MAGI2: variants seen among roughly 807,000 people sequenced by gnomAD.
The protein encoded by MAGI2 is membrane-associated guanylate kinase, WW and PDZ domain-containing protein 2.
In MAGI2, 35 loss-of-function variants were observed where a neutral mutation model predicts 133.3. That is an observed-to-expected ratio of 0.26 (90% CI 0.20 to 0.35). MAGI2 has a LOEUF of 0.35. MAGI2 is among the 10% of genes least tolerant of loss of function. The probability of loss-of-function intolerance (pLI) is 1.00; values close to 1 mark genes in which losing one functional copy is unlikely to be tolerated. For missense variants in MAGI2, 1,636 were observed against 1,863.4 expected (o/e 0.88, Z 2.25); for synonymous variants, 729 against 710.6 (o/e 1.03, Z -0.41).
intron 9 of MAGI2, among the ~76,000 whole-genome samples, chr7:78,332,781 T>G (rs2151156511): frequency 6.6e-6 from 1 of 151,836 alleles, no homozygotes; most frequent in Non-Finnish European, 1.5e-5. Flanking sequence ...GGTCATGTTA[T>G]TGGTCTGAGA....
chr7:78,362,889 C>T (rs552109969), intron 7 of MAGI2, among the ~76,000 whole-genome samples: 3 of 152,108 alleles, frequency 2.0e-5, no homozygotes, highest in Non-Finnish European at 4.4e-5. Flanking sequence ...GCATCAGCAT[C>T]GCTTCGACCT....
intron 6 of MAGI2, chr7:78,486,827 C>T (rs1016166307): frequency 4.3e-6 from 2 of 460,006 alleles, no homozygotes; most frequent in African/African-American, 3.9e-5. Context: ...ATTGCTGTCC[C>T]TGAGCTCGAC....
intron 9 of MAGI2, among the ~76,000 whole-genome samples, chr7:78,261,849 T>A (rs181058661): frequency 6.6e-6 from 1 of 152,306 alleles, no homozygotes; most frequent in East Asian, 1.9e-4. Flanking sequence ...ATTATAATAT[T>A]GTACATCTAT....
chr7:78,709,045 ATTC>A (rs1679476596), intron 2 of MAGI2, among the ~76,000 whole-genome samples: 1 of 152,066 alleles, frequency 6.6e-6, no homozygotes, highest in South Asian at 2.1e-4. Flanking sequence ...TCTGCAAAAG[ATTC>A]TTAACTCTCC....
chr7:79,111,234 G>C (rs1700484751), intron 1 of MAGI2, among the ~76,000 whole-genome samples: 1 of 151,956 alleles, frequency 6.6e-6, no homozygotes, highest in African/African-American at 2.4e-5. Context: ...TTGTAGTTTT[G>C]GTTCAAAATA....
At chr7:78,070,659 T>C (rs1180307943) in intron 21 of MAGI2, among the ~76,000 whole-genome samples, 1 of 141,850 alleles carries the variant, frequency 7.0e-6, no homozygotes, top group Non-Finnish European at 1.5e-5. Flanking sequence ...TTTTTTTTTT[T>C]TAGACGGAGT....
chr7:79,380,632 G>A (rs775150461), intron 1 of MAGI2, among the ~76,000 whole-genome samples: 39 of 151,462 alleles, frequency 2.6e-4, no homozygotes, highest in Non-Finnish European at 3.0e-5. Context: ...TTACTATTTT[G>A]GATTTGCAAA....
At chr7:78,322,220 A>G (rs971645939) in intron 9 of MAGI2, among the ~76,000 whole-genome samples, 3 of 152,226 alleles carry the variant, frequency 2.0e-5, no homozygotes, top group African/African-American at 7.2e-5. Flanking sequence ...TCAAGGATCT[A>G]GAACCAGAAC....
chr7:78,652,575 G>T lies in MAGI2; in HGVS notation c.419-25336C>A, dbSNP rs61400603. Among the ~76,000 whole-genome samples, 1,220 of 152,002 alleles carry T rather than the reference G, an allele frequency of 8.0e-3. 20 individuals are homozygous for T. Among genetic ancestry groups the T allele is most frequent in the African/African-American group, 0.028 (1,181 of 41,454 alleles). ...AGGGAAAACTAGCTAGCCATATGCAGAAAACTGAAACTAGACTCCTTCCTT... is the reference window on the plus strand; with the variant it reads ...AGGGAAAACTAGCTAGCCATATGCATAAAACTGAAACTAGACTCCTTCCTT... On this transcript the variant is annotated intron_variant, in intron 2 of 21. Transcript: ENST00000354212.
chr7:78,736,997 T>C (rs1228973152), intron 2 of MAGI2, among the ~76,000 whole-genome samples: 1 of 152,240 alleles, frequency 6.6e-6, no homozygotes, highest in Non-Finnish European at 1.5e-5. Flanking sequence ...CATGAAGTAC[T>C]GTTTTTACTT....
At chr7:78,848,806 C>G (rs1792867773) in intron 2 of MAGI2, among the ~76,000 whole-genome samples, 1 of 151,986 alleles carries the variant, frequency 6.6e-6, no homozygotes, top group South Asian at 2.1e-4. Context: ...TCCTCACCAC[C>G]TATGTAATGT....
At chr7:78,925,914 A>G (rs973495956) in intron 2 of MAGI2, among the ~76,000 whole-genome samples, 14 of 152,010 alleles carry the variant, frequency 9.2e-5, no homozygotes, top group African/African-American at 2.9e-4. Flanking sequence ...AGGTGTCCTA[A>G]TACCAAACAT....
At position 78,966,330 on chromosome 7, in the gene MAGI2, C is replaced by T. The variant is rs181852325; in HGVS notation, c.418+40760G>A. ...ACTTTATACCTGTTGAACAGCAACCCTCCATTTCCCTCTCCCTCTACTCCT... is the reference window on the plus strand; with the variant it reads ...ACTTTATACCTGTTGAACAGCAACCTTCCATTTCCCTCTCCCTCTACTCCT... On this transcript the variant is annotated intron_variant, in intron 2 of 21. Coordinates refer to ENST00000354212, the MANE Select transcript of MAGI2 (RefSeq NM_012301.4). Among the ~76,000 whole-genome samples the T allele has an allele frequency of 3.4e-3, 510 of 152,124 alleles. 4 individuals carry two copies. The highest frequency in any genetic ancestry group is 5.3e-3 in the Non-Finnish European group (362 of 67,964).
chr7:78,435,411 A>C (rs957789722), intron 6 of MAGI2, among the ~76,000 whole-genome samples: 5 of 152,078 alleles, frequency 3.3e-5, no homozygotes, highest in African/African-American at 1.2e-4. Flanking sequence ...CAGAGGACCA[A>C]TGGATTTCAG....
chr7:78,401,392 GGC>G (rs1796846523), intron 6 of MAGI2, among the ~76,000 whole-genome samples: 1 of 152,018 alleles, frequency 6.6e-6, no homozygotes, highest in Non-Finnish European at 1.5e-5. Context: ...GTAATGGCTT[GGC>G]TACACATTTT....
intron 9 of MAGI2, among the ~76,000 whole-genome samples, chr7:78,332,800 AC>A (rs899505583): frequency 1.3e-5 from 2 of 152,110 alleles, no homozygotes; most frequent in African/African-American, 4.8e-5. Flanking sequence ...GAGATACATT[AC>A]TAGCAGTGGA....
chr7:78,402,505 C>T (rs1171830985), intron 6 of MAGI2, among the ~76,000 whole-genome samples: 1 of 152,114 alleles, frequency 6.6e-6, no homozygotes, highest in Non-Finnish European at 1.5e-5. Context: ...TTCTTTCCTC[C>T]AATTTATGCA....
chr7:79,214,221 T>C (rs1454204540), intron 1 of MAGI2, among the ~76,000 whole-genome samples: 1 of 151,274 alleles, frequency 6.6e-6, no homozygotes, highest in Admixed American at 6.6e-5. Flanking sequence ...CTTCCAATAA[T>C]TTTCTTTCTG....
chr7:79,120,601 C>T (rs1182894527), intron 1 of MAGI2, among the ~76,000 whole-genome samples: 5 of 151,840 alleles, frequency 3.3e-5, no homozygotes, highest in Non-Finnish European at 5.9e-5. Context: ...AAGCTAGGTC[C>T]TAATCTATTT....
Sources: gnomAD v4.1 joint callset for allele counts (sites outside exome capture counted in the v4.1 genomes callset) on GRCh38, gnomAD v4.1.1 for gene constraint, MANE v1.5 for transcripts, NCBI Gene and HGNC (gene_info 2026-07-23, HGNC 2026-07-21) for gene names.